RPL28: variants seen among roughly 807,000 people sequenced by gnomAD.
The protein encoded by RPL28 is large ribosomal subunit protein eL28.
In RPL28, 4 loss-of-function variants were observed where a neutral mutation model predicts 12.5. That is an observed-to-expected ratio of 0.32 (90% CI 0.16 to 0.73). The LOEUF (loss-of-function observed/expected upper bound fraction) is 0.73, where lower values mean the gene tolerates loss of function less well. Ranked by LOEUF, RPL28 falls within the 30% of genes least tolerant of loss-of-function variation. The pLI is 0.66. For synonymous variants in RPL28, 91 were observed against 72.5 expected (o/e 1.26, Z -1.30); for missense variants, 214 against 197.7 (o/e 1.08, Z -0.49).
rs1569042128 is a variant in RPL28, at chr19:55,389,416, ACTC to A, written c.*1085_*1087del. 1.0e-6 allele frequency: 1 copy of A among 985,048 alleles called. No individual in the cohort carries two copies. The highest frequency in any genetic ancestry group is 1.1e-4 in the East Asian group (1 of 8,812). The allele number at this position is 985,048 out of a possible 1,614,324, so 61.0% of individuals were successfully genotyped here. ...TCCTCACATGTTTCCTGGGCACCTA[ACTC>A]TGTCAGCCACTGCCAGGGACCAAGG... On this transcript the variant is annotated 3_prime_UTR_variant, in exon 5 of 5. Coordinates refer to ENST00000344063, the MANE Select transcript of RPL28 (RefSeq NM_000991.5).
rs1032929365 is a variant in RPL28 at position 55,390,775 on chromosome 19, C to A, written c.*2443C>A. The A allele has an allele frequency of 1.2e-5, 12 of 985,308 alleles. No homozygotes were observed. The African/African-American group carries it at 1.9e-4, about 16-fold the overall frequency. 61.0% of individuals were successfully genotyped at this position (985,308 alleles called of 1,614,324 possible). ...TATCGGTGGGTTGGGGTGGAGGAAC[C>A]AGGAGAGGGCTGGAGGGAGGGAGAT... is the stretch of plus-strand genomic sequence containing the variant. On this transcript the variant is annotated 3_prime_UTR_variant, in exon 5 of 5. Transcript: ENST00000344063.
exon 5 of RPL28, chr19:55,403,036 T>A (rs1763172017): frequency 6.8e-7 from 1 of 1,463,660 alleles, no homozygotes; most frequent in Non-Finnish European, 9.3e-7. Flanking sequence ...CGCAGCCAGG[T>A]CATTCTGTGT....
chr19:55,398,978 A>T (rs965282096), intron 4 of RPL28, among the ~76,000 whole-genome samples: 1 of 152,108 alleles, frequency 6.6e-6, no homozygotes, highest in Non-Finnish European at 1.5e-5. Context: ...CTGGGATTAC[A>T]GGTGAACCAC....
At position 55,390,190 on chromosome 19, in the gene RPL28, T is replaced by C; in HGVS notation, c.*1858T>C. Reference sequence around the variant, plus strand: ...ATATTGAATGTATAAAGCCCACCGGTCCTGAGAGTTTGCTCACTGGAGACT... The same window carrying C: ...ATATTGAATGTATAAAGCCCACCGGCCCTGAGAGTTTGCTCACTGGAGACT... On this transcript the variant is annotated 3_prime_UTR_variant, in exon 5 of 5. Transcript: ENST00000344063. The C allele has an allele frequency of 1.0e-6, 1 of 985,494 alleles. No individual in the cohort carries two copies. Among genetic ancestry groups the C allele is most frequent in the Non-Finnish European group, 1.2e-6 (1 of 829,984 alleles). The allele number at this position is 985,494 out of a possible 1,614,324, so 61.0% of individuals were successfully genotyped here. A position where few individuals can be genotyped will look rare whatever the true frequency, so the allele number is the denominator to read the frequency against.
downstream of RPL28, among the ~76,000 whole-genome samples, chr19:55,393,639 T>G (rs1005083065): frequency 6.1e-5 from 9 of 148,742 alleles, no homozygotes; most frequent in Non-Finnish European, 8.9e-5. Flanking sequence ...TTGTTTTTTT[T>G]TTTTTTTTTT....
intron 4 of RPL28, among the ~76,000 whole-genome samples, chr19:55,402,678 C>T (rs374058971): frequency 2.5e-4 from 38 of 152,338 alleles, no homozygotes; most frequent in African/African-American, 8.9e-4. Context: ...GGTCTGGCTG[C>T]TCTTCTTGCT....
Position 55,386,140 on chromosome 19 carries a change from G to A in RPL28, c.-9+175G>A, listed in dbSNP as rs376786181. ...TTTCCCCTCACTCTCATTCGCCGCA[G>A]CTAGTCTCGGCTGCCTGAATTCGGT... On this transcript the variant is annotated intron_variant, in intron 1 of 4. Coordinates refer to ENST00000344063, the MANE Select transcript of RPL28 (RefSeq NM_000991.5). 7.2e-4 allele frequency: 412 copies of A among 576,156 alleles called. 7 individuals are homozygous for A. In the East Asian group the frequency reaches 8.3e-3, roughly 12 times the overall value. The allele number at this position is 576,156 out of a possible 1,614,324, so 35.7% of individuals were successfully genotyped here. A position where few individuals can be genotyped will look rare whatever the true frequency, so the allele number is the denominator to read the frequency against.
downstream of RPL28, among the ~76,000 whole-genome samples, chr19:55,396,858 G>A (rs1257937098): frequency 2.0e-5 from 3 of 151,644 alleles, no homozygotes; most frequent in African/African-American, 7.3e-5. Context: ...GGGATTACAG[G>A]TGTGAGCCAC....
chr19:55,389,143 G>T lies in RPL28; in HGVS notation c.*811G>T, dbSNP rs1240160376. ...CCTAGTGTTTATTACAGCTTGTGAGGCCAGGAGTTTGAGACCATCCTAGGC... is the reference window on the plus strand; with the variant it reads ...CCTAGTGTTTATTACAGCTTGTGAGTCCAGGAGTTTGAGACCATCCTAGGC... On this transcript the variant is annotated 3_prime_UTR_variant, in exon 5 of 5. Transcript: ENST00000344063. 7.1e-6 allele frequency: 7 copies of T among 985,096 alleles called. No homozygotes were observed. In the South Asian group the frequency reaches 3.3e-4, roughly 46 times the overall value. 61.0% of individuals were successfully genotyped at this position (985,096 alleles called of 1,614,324 possible).
intron 4 of RPL28, among the ~76,000 whole-genome samples, chr19:55,401,978 G>A (rs2090062974): frequency 6.6e-6 from 1 of 152,240 alleles, no homozygotes; most frequent in South Asian, 2.1e-4. Context: ...TTCCCAAAAG[G>A]ACACGATGCC....
rs762051776 is a variant in RPL28 at position 55,401,545 on chromosome 19, C to T, written c.325-1398C>T. ...CATGGGACCCTCAGCCCCTCCCGGGCCCCCTGGGGCCCCAGGGTCGGTGGA... is the reference window on the plus strand; with the variant it reads ...CATGGGACCCTCAGCCCCTCCCGGGTCCCCTGGGGCCCCAGGGTCGGTGGA... On this transcript the variant is annotated intron_variant, in intron 4 of 4. Coordinates refer to the RPL28 transcript ENST00000560055. 1.1e-5 allele frequency: 18 copies of T among 1,610,310 alleles called. No individual in the cohort carries two copies. The highest frequency in any genetic ancestry group is 2.2e-5 in the East Asian group (1 of 44,844).
rs138521135 is a variant in RPL28, at chr19:55,388,795, CT to C, written c.*467del. 0.052 allele frequency: 52,045 copies of C among 992,496 alleles called. 1,419 individuals carry two copies. Among genetic ancestry groups the C allele is most frequent in the Middle Eastern group, 0.067 (130 of 1,952 alleles). 61.5% of individuals were successfully genotyped at this position (992,496 alleles called of 1,614,324 possible). On this transcript the variant is annotated 3_prime_UTR_variant, in exon 5 of 5. Coordinates refer to ENST00000344063, the MANE Select transcript of RPL28 (RefSeq NM_000991.5). ...ACATCACGGGAGGAAGATGAGATGA[CT>C]TTTGCATCCAGGGAGTGGGTGCAGC...
exon 5 of RPL28, chr19:55,403,060 C>T (rs1223299006): frequency 8.7e-6 from 12 of 1,372,010 alleles, no homozygotes; most frequent in South Asian, 1.2e-5. Context: ...GGAGCCATCT[C>T]GTACGCTGCA....
At chr19:55,403,001 C>G in exon 5 of RPL28, 1 of 1,533,404 alleles carries the variant, frequency 6.5e-7, no homozygotes, top group Non-Finnish European at 8.7e-7. Context: ...CAGCCTAGAC[C>G]AGGACGCCTC....
At chr19:55,394,279 C>G, downstream of RPL28, among the ~76,000 whole-genome samples, 1 of 152,202 alleles carries the variant, frequency 6.6e-6, no homozygotes, top group South Asian at 2.1e-4. Flanking sequence ...AACAAACAAA[C>G]AAAAAGATAA....
In RPL28 at chr19:55,387,125, T is replaced by G. The variant is rs974421147; in HGVS notation, c.205+432T>G. 5 of 1,333,146 alleles carry G rather than the reference T, an allele frequency of 3.8e-6. No homozygotes were observed. In the East Asian group the frequency reaches 1.3e-4, roughly 34 times the overall value. 82.6% of individuals were successfully genotyped at this position (1,333,146 alleles called of 1,614,324 possible). On this transcript the variant is annotated intron_variant, in intron 3 of 4. Transcript: ENST00000344063. ...AGCCATTTGATTCCCATTTTGCCTGTGTAGGTTAGAGAAGAGGTCTTGGGG... is the reference window on the plus strand; with the variant it reads ...AGCCATTTGATTCCCATTTTGCCTGGGTAGGTTAGAGAAGAGGTCTTGGGG...
At position 55,389,124 on chromosome 19, in the gene RPL28, G is replaced by A; in HGVS notation, c.*792G>A. On this transcript the variant is annotated 3_prime_UTR_variant, in exon 5 of 5. Transcript: ENST00000344063. The stretch of plus-strand genomic sequence containing the variant: ...TCCTTTGGCCTGTTTGCTCCCTAGT[G>A]TTTATTACAGCTTGTGAGGCCAGGA... 6 of 985,432 alleles carry A rather than the reference G, an allele frequency of 6.1e-6. No homozygotes were observed. The highest frequency in any genetic ancestry group is 4.7e-5 in the South Asian group (1 of 21,284). 61.0% of individuals were successfully genotyped at this position (985,432 alleles called of 1,614,324 possible). A position where few individuals can be genotyped will look rare whatever the true frequency, so the allele number is the denominator to read the frequency against.
Position 55,389,342 on chromosome 19 carries a change from C to A in RPL28, c.*1010C>A. 3.3e-6 allele frequency: 3 copies of A among 901,882 alleles called. No homozygotes were observed. The highest frequency in any genetic ancestry group is 3.8e-6 in the Non-Finnish European group (3 of 787,326). The allele number at this position is 901,882 out of a possible 1,614,324, so 55.9% of individuals were successfully genotyped here. The stretch of plus-strand genomic sequence containing the variant: ...CACCACTACACTCCAGCCTGGAAGA[C>A]ACCATGACACACAGTGAGGCCTGGA... On this transcript the variant is annotated 3_prime_UTR_variant, in exon 5 of 5. Transcript: ENST00000344063.
chr19:55,386,566 C>T lies in RPL28; in HGVS notation c.82-4C>T, dbSNP rs1395209984. The T allele has an allele frequency of 6.2e-7, 1 of 1,603,548 alleles. No homozygotes were observed. The highest frequency in any genetic ancestry group is 1.7e-5 in the Admixed American group (1 of 59,732). The stretch of plus-strand genomic sequence containing the variant: ...CACGATGCCTTGTGCCGCCTCCTTC[C>T]CAGGAGCCCAATAACTTGAAGGCCC... On this transcript the variant is annotated splice_region_variant and splice_polypyrimidine_tract_variant and intron_variant, in intron 2 of 4. Transcript: ENST00000344063.
Sources: allele counts gnomAD v4.1 joint callset (sites outside exome capture counted in the v4.1 genomes callset), GRCh38; gene constraint gnomAD v4.1.1; transcripts MANE v1.5; gene names NCBI Gene and HGNC (gene_info 2026-07-23, HGNC 2026-07-21).